ROBO1: variants seen among roughly 807,000 people sequenced by gnomAD.
ROBO1 encodes roundabout homolog 1.
Under a neutral mutation model 195.9 loss-of-function variants are expected in ROBO1, and 149 were observed. The ratio of observed to expected loss-of-function variants is 0.76; its 90% CI spans 0.67 to 0.87. The LOEUF is 0.87. ROBO1 is among the 40% of genes least tolerant of loss of function. ROBO1 has a pLI of 0.00. For missense variants in ROBO1, 1,933 were observed against 2,068.3 expected, an observed-to-expected ratio of 0.93 and a Z score of 1.27; for synonymous variants, 816 against 733.2, an observed-to-expected ratio of 1.11 and a Z score of -1.82.
rs185443563 is a variant in ROBO1, at chr3:79,612,535, G to T, written c.-50-22574C>A. Among the ~76,000 whole-genome samples the T allele has an allele frequency of 2.4e-4, 37 of 151,664 alleles. No homozygotes were observed. In the East Asian group the frequency reaches 6.7e-3, roughly 27 times the overall value. ...AGCAGCATGATTTATAGTCCTTTGG[G>T]TATATACCCAGTAATGGGATGGCTG... On this transcript the variant is annotated intron_variant, in intron 1 of 30. Transcript: ENST00000464233.
intron 2 of ROBO1, among the ~76,000 whole-genome samples, chr3:79,564,630 A>C (rs1296920858): frequency 6.6e-6 from 1 of 152,044 alleles, no homozygotes; most frequent in Non-Finnish European, 1.5e-5. Context: ...AATTTTGAGA[A>C]TTTATGAGTC....
intron 1 of ROBO1, among the ~76,000 whole-genome samples, chr3:79,593,461 T>G (rs747730375): frequency 2.0e-5 from 3 of 152,076 alleles, no homozygotes; most frequent in South Asian, 2.1e-4. Context: ...CTAGTGGGCA[T>G]GCAATGGTAA....
At chr3:79,393,442 T>C (rs1404425837) in intron 2 of ROBO1, among the ~76,000 whole-genome samples, 3 of 152,230 alleles carry the variant, frequency 2.0e-5, no homozygotes, top group Admixed American at 2.0e-4. Flanking sequence ...TAAATTAATC[T>C]GTGTAGTTTG....
intron 3 of ROBO1, among the ~76,000 whole-genome samples, chr3:79,107,020 G>A (rs908627965): frequency 1.3e-5 from 2 of 151,244 alleles, no homozygotes; most frequent in Non-Finnish European, 3.0e-5. Context: ...AGGTAAAATT[G>A]CAAAGCTTAC....
At chr3:79,403,592 G>T (rs1267681665) in intron 2 of ROBO1, among the ~76,000 whole-genome samples, 2 of 151,956 alleles carry the variant, frequency 1.3e-5, no homozygotes, top group Non-Finnish European at 2.9e-5. Context: ...CAAAGACATT[G>T]TATTCTTAGG....
chr3:79,471,504 G>A (rs1014273752), intron 2 of ROBO1, among the ~76,000 whole-genome samples: 3 of 151,960 alleles, frequency 2.0e-5, no homozygotes, highest in Admixed American at 6.6e-5. Context: ...ACTATACTAT[G>A]TTAAAGAATT....
At chr3:79,063,510 CA>C (rs11441603) in intron 3 of ROBO1, among the ~76,000 whole-genome samples, 2,977 of 136,426 alleles carry the variant, frequency 0.022, 105 homozygotes, top group African/African-American at 0.075. Flanking sequence ...TTTCTCATTC[CA>C]AAAAAAAAAA....
rs565421541 is a variant in ROBO1 at position 78,686,309 on chromosome 3, T to G, written c.1171-392A>C. 3.3e-5 allele frequency among the ~76,000 whole-genome samples: 5 copies of G among 152,206 alleles called. No homozygotes were observed. In the South Asian group the frequency reaches 1.0e-3, roughly 32 times the overall value. ...CGGTGGCTTACACCTGTCATCCCAG[T>G]GCTTTGGGAGGCCGAGGCAGGCGGA... On this transcript the variant is annotated intron_variant, in intron 9 of 30. Transcript: ENST00000464233.
intron 1 of ROBO1, among the ~76,000 whole-genome samples, chr3:79,624,425 C>T (rs981893612): frequency 4.0e-5 from 6 of 151,696 alleles, no homozygotes; most frequent in African/African-American, 1.5e-4. Flanking sequence ...GATTTAAGAC[C>T]CATCGGTATG....
chr3:78,675,265 T>C (rs11918759), intron 10 of ROBO1, among the ~76,000 whole-genome samples: 38,438 of 151,858 alleles, frequency 0.25, 5,039 homozygotes, highest in African/African-American at 0.31. Flanking sequence ...TTTCTGCATT[T>C]CTATCTGAGG....
intron 4 of ROBO1, among the ~76,000 whole-genome samples, chr3:78,833,203 A>G (rs1404387974): frequency 6.6e-6 from 1 of 152,108 alleles, no homozygotes; most frequent in Non-Finnish European, 1.5e-5. Context: ...ATGCACGGCA[A>G]TGAAAAATAA....
chr3:79,617,033 C>T (rs150369930), intron 1 of ROBO1, among the ~76,000 whole-genome samples: 3 of 152,110 alleles, frequency 2.0e-5, no homozygotes, highest in African/African-American at 7.2e-5. Context: ...AGATAAAGCA[C>T]AATGTCTTTT....
At chr3:78,809,747 A>AAAGGATGAGTTCACGT (rs2084672360) in intron 4 of ROBO1, among the ~76,000 whole-genome samples, 2 of 99,258 alleles carry the variant, frequency 2.0e-5, no homozygotes, top group Admixed American at 9.8e-5. Flanking sequence ...GAAACAGAAA[A>AAAGGATGAGTTCACGT]CCAAACACTG....
intron 28 of ROBO1, 42 bp downstream of exon 28, chr3:78,614,606 G>A: frequency 6.2e-7 from 1 of 1,605,200 alleles, no homozygotes; most frequent in Non-Finnish European, 8.5e-7. Context: ...AGGGTAAATA[G>A]GCGAGATTCA....
intron 1 of ROBO1, among the ~76,000 whole-genome samples, chr3:79,678,960 C>T (rs1456748906): frequency 1.3e-5 from 2 of 151,932 alleles, no homozygotes; most frequent in Non-Finnish European, 2.9e-5. Context: ...TTAATGAATA[C>T]TATGGAAAAA....
At chr3:79,318,079 G>A (rs569815395) in intron 2 of ROBO1, among the ~76,000 whole-genome samples, 2 of 152,170 alleles carry the variant, frequency 1.3e-5, no homozygotes, top group African/African-American at 4.8e-5. Context: ...AAAGGCCAAC[G>A]GGCAGTCAGT....
chr3:79,396,432 T>C (rs966820588), intron 2 of ROBO1, among the ~76,000 whole-genome samples: 1 of 152,076 alleles, frequency 6.6e-6, no homozygotes, highest in Admixed American at 6.5e-5. Flanking sequence ...ATGCTAACAA[T>C]TCTTTATATC....
intron 2 of ROBO1, among the ~76,000 whole-genome samples, chr3:79,315,409 G>A (rs938125457): frequency 6.6e-6 from 1 of 152,220 alleles, no homozygotes; most frequent in Non-Finnish European, 1.5e-5. Flanking sequence ...TCAGGCAAGA[G>A]ATTATAGTGA....
At chr3:78,745,358 T>C (rs2082632716) in intron 5 of ROBO1, among the ~76,000 whole-genome samples, 1 of 144,724 alleles carries the variant, frequency 6.9e-6, no homozygotes, top group Admixed American at 6.9e-5. Context: ...TAAACATGAA[T>C]AGGTTATCAG....
Sources: gnomAD v4.1 joint callset for allele counts (sites outside exome capture counted in the v4.1 genomes callset) on GRCh38, gnomAD v4.1.1 for gene constraint, MANE v1.5 for transcripts, NCBI Gene and HGNC (gene_info 2026-07-23, HGNC 2026-07-21) for gene names.